XYLB: variants seen among roughly 807,000 people sequenced by gnomAD.
XYLB encodes xylulose kinase.
XYLB carries 62 observed loss-of-function variants against 78.7 expected under a neutral mutation model. The observed-to-expected ratio is 0.79, with a 90% CI of 0.64 to 0.97. The LOEUF is 0.97. XYLB is among the 50% of genes least tolerant of loss of function. The pLI is 0.00. For missense variants in XYLB, 687 were observed against 676.8 expected, an observed-to-expected ratio of 1.02 and a Z score of -0.17; for synonymous variants, 245 against 247.4, an observed-to-expected ratio of 0.99 and a Z score of 0.09.
At chr3:38,377,386 C>T (rs1216447080) in intron 14 of XYLB, among the ~76,000 whole-genome samples, 2 of 151,824 alleles carry the variant, frequency 1.3e-5, no homozygotes, top group Admixed American at 1.3e-4. Context: ...TTTATTGAGC[C>T]CATTTGGTGC....
chr3:38,373,647 T>C (rs879394295), intron 10 of XYLB, among the ~76,000 whole-genome samples: 1 of 152,200 alleles, frequency 6.6e-6, no homozygotes, highest in Non-Finnish European at 1.5e-5. Context: ...TTTGTTGTTA[T>C]AGGATAAGTT....
intron 15 of XYLB, among the ~76,000 whole-genome samples, chr3:38,391,706 G>T (rs1034754874): frequency 2.0e-5 from 3 of 152,138 alleles, no homozygotes; most frequent in African/African-American, 2.4e-5. Flanking sequence ...AGGTCATGAG[G>T]GCTCTTGTGT....
At chr3:38,398,181 T>C (rs1707965692) in intron 17 of XYLB, among the ~76,000 whole-genome samples, 4 of 151,954 alleles carry the variant, frequency 2.6e-5, no homozygotes, top group African/African-American at 9.7e-5. Flanking sequence ...TCTCAATAAT[T>C]AACCTTGGCC....
downstream of XYLB, among the ~76,000 whole-genome samples, chr3:38,425,993 C>T (rs1271257416): frequency 6.6e-6 from 1 of 152,140 alleles, no homozygotes; most frequent in Non-Finnish European, 1.5e-5. Flanking sequence ...CTTTCTGGTC[C>T]TTGGGAAGCC....
chr3:38,397,463 G>A (rs1466380625), intron 17 of XYLB, among the ~76,000 whole-genome samples: 2 of 152,330 alleles, frequency 1.3e-5, no homozygotes, highest in East Asian at 3.9e-4. Flanking sequence ...ACGTGGGCAT[G>A]AGTCTGGACA....
chr3:38,409,514 G>A (rs34918180), intron 18 of XYLB, among the ~76,000 whole-genome samples: 81,311 of 151,860 alleles, frequency 0.54, 22,665 homozygotes, highest in East Asian at 0.62. Flanking sequence ...CCTATTCAAC[G>A]TAGTGTTGGA....
intron 18 of XYLB, among the ~76,000 whole-genome samples, chr3:38,407,214 G>A (rs1708362400): frequency 1.3e-5 from 2 of 149,932 alleles, no homozygotes; most frequent in African/African-American, 4.9e-5. Context: ...CCAGAAGAGA[G>A]TGGGGGCCAA....
intron 2 of XYLB, among the ~76,000 whole-genome samples, chr3:38,359,474 A>G (rs1320278384): frequency 6.6e-6 from 1 of 152,250 alleles, no homozygotes; most frequent in Non-Finnish European, 1.5e-5. Flanking sequence ...AGCACCCACT[A>G]GACTTAGACA....
At chr3:38,387,304 T>C (rs913159138) in intron 15 of XYLB, among the ~76,000 whole-genome samples, 7 of 152,214 alleles carry the variant, frequency 4.6e-5, no homozygotes, top group Middle Eastern at 6.8e-3. Context: ...ACTTTGATTT[T>C]CTATTCTTTT....
intron 15 of XYLB, among the ~76,000 whole-genome samples, chr3:38,390,659 AC>A (rs1012009416): frequency 3.3e-5 from 5 of 152,106 alleles, no homozygotes; most frequent in Non-Finnish European, 5.9e-5. Flanking sequence ...AGTAGCTGGG[AC>A]CACAGGCATG....
At chr3:38,348,456 G>T in intron 1 of XYLB, 94 bp from the exon 2 acceptor site, 1 of 1,195,272 alleles carries the variant, frequency 8.4e-7, no homozygotes, top group African/African-American at 1.5e-5. Flanking sequence ...ACTGCTCCTA[G>T]GGTGTGGGGC....
At chr3:38,401,977 G>A (rs1470794639) in intron 18 of XYLB, among the ~76,000 whole-genome samples, 2 of 152,114 alleles carry the variant, frequency 1.3e-5, no homozygotes, top group Admixed American at 1.3e-4. Flanking sequence ...GCAGGCAGAA[G>A]ACACGGGACT....
At chr3:38,426,948 T>C in the XYLB span, among the ~76,000 whole-genome samples, 1 of 152,338 alleles carries the variant, frequency 6.6e-6, no homozygotes, top group Admixed American at 6.5e-5. Flanking sequence ...CCACAAACGA[T>C]AGCAGGAAAG....
At chr3:38,397,546 A>G (rs1464209958) in intron 17 of XYLB, among the ~76,000 whole-genome samples, 2 of 152,050 alleles carry the variant, frequency 1.3e-5, no homozygotes, top group Non-Finnish European at 2.9e-5. Flanking sequence ...AACAAAGGGG[A>G]AGGCTTCAGG....
chr3:38,353,732 C>T lies in XYLB; in HGVS notation c.140+5100C>T, dbSNP rs144459726. On this transcript the variant is annotated intron_variant, in intron 2 of 18. Transcript: ENST00000207870. Reference sequence around the variant, plus strand: ...TGAAACCCTGTCTGTACTGAAAATACAAAAATTAGCTGAGCATGGTGGTGG... The same window carrying T: ...TGAAACCCTGTCTGTACTGAAAATATAAAAATTAGCTGAGCATGGTGGTGG... Among the ~76,000 whole-genome samples, 112 of 151,894 alleles carry T rather than the reference C, an allele frequency of 7.4e-4. No homozygotes were observed. In the East Asian group the frequency reaches 0.019, roughly 26 times the overall value.
downstream of XYLB, among the ~76,000 whole-genome samples, chr3:38,420,926 A>G (rs914191346): frequency 6.6e-6 from 1 of 152,206 alleles, no homozygotes; most frequent in Non-Finnish European, 1.5e-5. Context: ...CCCGGAGCAA[A>G]AAACTGCTCA....
At chr3:38,374,170 T>G (rs560198267) in intron 10 of XYLB, among the ~76,000 whole-genome samples, 1 of 152,324 alleles carries the variant, frequency 6.6e-6, no homozygotes, top group South Asian at 2.1e-4. Context: ...GCCTCCTTGA[T>G]TCTCTGCACT....
At chr3:38,388,172 T>TAG (rs1707473367) in intron 15 of XYLB, among the ~76,000 whole-genome samples, 1 of 51,776 alleles carries the variant, frequency 1.9e-5, no homozygotes, top group Non-Finnish European at 5.7e-5. Context: ...TTTTTTTGTT[T>TAG]TTTTTTTTTT....
intron 3 of XYLB, 94 bp from the exon 4 acceptor site, chr3:38,362,843 C>T: frequency 2.8e-6 from 3 of 1,056,678 alleles, no homozygotes; most frequent in Non-Finnish European, 3.9e-6. Context: ...GAGTACTCTG[C>T]TGTAATGGCA....
Sources: gnomAD v4.1 joint callset for allele counts (sites outside exome capture counted in the v4.1 genomes callset) on GRCh38, gnomAD v4.1.1 for gene constraint, MANE v1.5 for transcripts, NCBI Gene and HGNC (gene_info 2026-07-23, HGNC 2026-07-21) for gene names.